Variants in CCDC136 observed in about 807,000 individuals in gnomAD.
CCDC136 encodes the protein coiled-coil domain-containing protein 136.
In CCDC136, 100 loss-of-function variants were observed where a neutral mutation model predicts 141.2. That is an observed-to-expected ratio of 0.71 (90% CI 0.60 to 0.84). The LOEUF (loss-of-function observed/expected upper bound fraction) is 0.84, where lower values mean the gene tolerates loss of function less well. Among genes scored for constraint, CCDC136 ranks in the 40% least tolerant of loss-of-function variants. The pLI is 0.00. For synonymous variants in CCDC136, 474 were observed against 531.9 expected (o/e 0.89, Z 1.50); for missense variants, 1,206 against 1,379.4 (o/e 0.87, Z 1.99).
rs1804918116 is a variant in CCDC136 at position 128,806,808 on chromosome 7, C to A, written c.1369C>A (p.Leu457Met). The change falls in exon 9 of 18, where the codon CTG becomes ATG. Residue 457 changes from leucine (L) to methionine (M), a missense_variant. Leu to Met is a conservative substitution (Grantham distance 15). Transcript: ENST00000297788. Reference protein sequence around the residue: ...QEELQCHEAELQHLRDTVASF... With the variant: ...QEELQCHEAEMQHLRDTVASF... ...GGAGCTGCAGTGCCATGAGGCAGAG[C>A]TGCAGCACCTCAGGGATACGGTGGC... The A allele has an allele frequency of 6.2e-7, 1 of 1,612,862 alleles. No homozygotes were observed.
Position 128,792,357 on chromosome 7 carries a change from C to G in CCDC136, c.-55C>G, listed in dbSNP as rs544752587. On this transcript the variant is annotated 5_prime_UTR_variant, in exon 1 of 18. Transcript: ENST00000297788. ...CCACTCTAGGCTCCTATGAGGCTTC[C>G]GAGGGCTGTGAGAGGAAGAAGGGCC... 2.5e-6 allele frequency: 4 copies of G among 1,607,966 alleles called. No homozygotes were observed. The African/African-American group carries it at 5.4e-5, about 22-fold the overall frequency.
chr7:128,792,442 A>G lies in CCDC136; in HGVS notation c.16+15A>G. 1 of 1,594,040 alleles carries G rather than the reference A, an allele frequency of 6.3e-7. No homozygotes were observed. The highest frequency in any genetic ancestry group is 8.6e-7 in the Non-Finnish European group (1 of 1,168,928). ...AGCTATGGAGGGTGAGTTTTCCCAA[A>G]AGGCTTCTTTCTTTCCCCTCCCCTC... On this transcript the variant is annotated intron_variant, in intron 1 of 17. Transcript: ENST00000297788.
At position 128,812,268 on chromosome 7, in the gene CCDC136, A is replaced by G; in HGVS notation, c.2497A>G (p.Ser833Gly). 6.2e-7 allele frequency: 1 copy of G among 1,613,530 alleles called. No individual in the cohort carries two copies. The highest frequency in any genetic ancestry group is 8.5e-7 in the Non-Finnish European group (1 of 1,179,724). Residue 833 changes from serine (S) to glycine (G), a missense_variant, in exon 13 of 18, where the codon AGC becomes GGC. Coordinates refer to ENST00000297788, the MANE Select transcript of CCDC136 (RefSeq NM_022742.5). Reference sequence around the variant, plus strand: ...TGACACCTGCCAGAAGAGTTTTGTCAGCAGCTGCACTGACGAGGAACCTGC... The same window carrying G: ...TGACACCTGCCAGAAGAGTTTTGTCGGCAGCTGCACTGACGAGGAACCTGC... The part of the protein sequence containing the change: ...SSDTCQKSFV[S>G]SCTDEEPAEP...
chr7:128,801,293 A>T lies in CCDC136; in HGVS notation c.454A>T (p.Ser152Cys). ...ELHLAQAEIQ[S>C]LRQAAEDSAT... ...GCATTTGGCCCAGGCTGAGATCCAGAGTCTGCGGCAAGCAGCAGAGGATTC... is the reference window on the plus strand; with the variant it reads ...GCATTTGGCCCAGGCTGAGATCCAGTGTCTGCGGCAAGCAGCAGAGGATTC... Residue 152 changes from serine to cysteine, a missense_variant, in exon 4 of 18, where the codon AGT becomes TGT. Coordinates refer to ENST00000297788, the MANE Select transcript of CCDC136 (RefSeq NM_022742.5). The T allele has an allele frequency of 6.2e-7, 1 of 1,613,902 alleles. No homozygotes were observed. Among genetic ancestry groups the T allele is most frequent in the Non-Finnish European group, 8.5e-7 (1 of 1,179,828 alleles).
rs1388986481 is a variant in CCDC136 at position 128,805,783 on chromosome 7, T to G, written c.971T>G (p.Leu324Trp). The change falls in exon 7 of 18, where the codon TTG becomes TGG. Residue 324 changes from leucine (L) to tryptophan (W), a missense_variant. Physicochemically the swap from Leu to Trp is moderately conservative, Grantham distance 61. Transcript: ENST00000297788. The surrounding 1 kb of genome is among the most constrained non-coding windows in gnomAD (Gnocchi z 4.6). Reference protein sequence around the residue: ...KNKCQELCCELEELQHHRQVS... With the variant: ...KNKCQELCCEWEELQHHRQVS... ...TAGTGTCAGGAATTGTGTTGTGAGT[T>G]GGAAGAGCTACAGCATCATCGCCAG... 6 of 1,612,834 alleles carry G rather than the reference T, an allele frequency of 3.7e-6. No homozygotes were observed. The highest frequency in any genetic ancestry group is 5.1e-6 in the Non-Finnish European group (6 of 1,179,412).
intron 3 of CCDC136, among the ~76,000 whole-genome samples, chr7:128,795,535 T>G (rs1187717831): frequency 2.0e-5 from 3 of 149,148 alleles, no homozygotes; most frequent in Non-Finnish European, 4.5e-5. Flanking sequence ...CAAGCAGAGG[T>G]GTAAGTGGGG....
intron 10 of CCDC136, chr7:128,809,092 T>G: frequency 2.1e-6 from 1 of 473,038 alleles, no homozygotes; most frequent in Non-Finnish European, 2.8e-6. Flanking sequence ...GAGCTAAGAG[T>G]TCCCAACAGG....
Position 128,817,694 on chromosome 7 carries a change from T to C in CCDC136, c.3364-64T>C, listed in dbSNP as rs532453420. 7.6e-6 allele frequency: 8 copies of C among 1,057,870 alleles called. No individual in the cohort carries two copies. The East Asian group carries it at 9.4e-5, about 12-fold the overall frequency. 65.5% of individuals were successfully genotyped at this position (1,057,870 alleles called of 1,614,324 possible). ...TCATCTTCATTATCTGTTGGATCCATGCGTTTATGTCTCACATCTCCTGGT... is the reference window on the plus strand; with the variant it reads ...TCATCTTCATTATCTGTTGGATCCACGCGTTTATGTCTCACATCTCCTGGT... On this transcript the variant is annotated intron_variant, in intron 16 of 17. Coordinates refer to ENST00000297788, the MANE Select transcript of CCDC136 (RefSeq NM_022742.5). This position sits in a 1 kb window ranked among gnomAD's most constrained non-coding sequence, Gnocchi z 4.6.
At chr7:128,819,937 T>C (rs1807208904) in intron 17 of CCDC136, among the ~76,000 whole-genome samples, 1 of 152,186 alleles carries the variant, frequency 6.6e-6, no homozygotes, top group Admixed American at 6.5e-5. Flanking sequence ...CCTCTGCAGA[T>C]TGTGTATGCT....
rs1253640158 is a variant in CCDC136, at chr7:128,817,610, C to G, written c.3364-148C>G. 9 of 726,424 alleles carry G rather than the reference C, an allele frequency of 1.2e-5. No individual in the cohort carries two copies. Among genetic ancestry groups the G allele is most frequent in the Non-Finnish European group, 2.2e-5 (9 of 402,980 alleles). 45.0% of individuals were successfully genotyped at this position (726,424 alleles called of 1,614,324 possible). ...CCCAGGCAGCAGAAAAGACATGCAA[C>G]TGCTCTAGCTTACCTGTTTTTTAAC... On this transcript the variant is annotated intron_variant, in intron 16 of 17. Coordinates refer to ENST00000297788, the MANE Select transcript of CCDC136 (RefSeq NM_022742.5). The surrounding 1 kb of genome is among the most constrained non-coding windows in gnomAD (Gnocchi z 4.6).
intron 1 of CCDC136, among the ~76,000 whole-genome samples, chr7:128,793,066 C>G (rs140635371): frequency 1.3e-3 from 197 of 152,328 alleles, no homozygotes; most frequent in African/African-American, 4.7e-3. Context: ...ACCTGCTCCC[C>G]CTAAGGGGGA....
At chr7:128,812,625 G>T in intron 13 of CCDC136, 83 bp from the exon 14 acceptor site, 1 of 1,072,306 alleles carries the variant, frequency 9.3e-7, no homozygotes, top group Non-Finnish European at 1.4e-6. Context: ...GCCATTGTTT[G>T]GTATCCAGGG....
chr7:128,804,882 C>A lies in CCDC136; in HGVS notation c.782+121C>A, dbSNP rs148860597. 2.9e-4 allele frequency: 185 copies of A among 633,938 alleles called. No homozygotes were observed. In the African/African-American group the frequency reaches 3.2e-3, roughly 11 times the overall value. The allele number at this position is 633,938 out of a possible 1,614,324, so 39.3% of individuals were successfully genotyped here. A position where few individuals can be genotyped will look rare whatever the true frequency, so the allele number is the denominator to read the frequency against. ...GTTCCTTTGCTCCTGGAGACCCAGT[C>A]CTTTCCATGGTTTCCAAAGGATACA... On this transcript the variant is annotated intron_variant, in intron 5 of 17. Coordinates refer to ENST00000297788, the MANE Select transcript of CCDC136 (RefSeq NM_022742.5).
At chr7:128,812,451 C>CTT in intron 13 of CCDC136, 139 bp downstream of exon 13, 2 of 984,394 alleles carry the variant, frequency 2.0e-6, no homozygotes, top group Non-Finnish European at 2.9e-6. Flanking sequence ...GTAAGCGAAG[C>CTT]CCTCTACCCA....
upstream of CCDC136, chr7:128,791,528 C>A: frequency 7.7e-7 from 1 of 1,290,456 alleles, no homozygotes; most frequent in Non-Finnish European, 9.8e-7. This position sits in a 1 kb window ranked among gnomAD's most constrained non-coding sequence, Gnocchi z 7.1. Context: ...GCGGGAGCCG[C>A]GGGCTGGAGC....
chr7:128,815,498 C>T (rs755968369), intron 15 of CCDC136, 116 bp from the exon 16 acceptor site: 30 of 1,201,950 alleles, frequency 2.5e-5, no homozygotes, highest in Non-Finnish European at 3.3e-5. Flanking sequence ...CCGGGCCACA[C>T]CCTTGCACTC....
At chr7:128,814,104 T>C (rs879414375) in intron 14 of CCDC136, among the ~76,000 whole-genome samples, 7 of 151,988 alleles carry the variant, frequency 4.6e-5, no homozygotes, top group African/African-American at 4.8e-5. Flanking sequence ...TTTTTTTTTT[T>C]GAGACAGAGT....
At chr7:128,800,075 C>T (rs931630177) in intron 3 of CCDC136, among the ~76,000 whole-genome samples, 22 of 152,262 alleles carry the variant, frequency 1.4e-4, no homozygotes, top group African/African-American at 5.3e-4. Flanking sequence ...ATGGTTTGGG[C>T]ATAGATCTTT....
intron 10 of CCDC136, chr7:128,808,503 G>T: frequency 1.0e-6 from 1 of 985,186 alleles, no homozygotes; most frequent in Non-Finnish European, 1.2e-6. Flanking sequence ...CATTTATCCT[G>T]TTGAGCACTT....
Sources: gnomAD v4.1 joint callset for allele counts (sites outside exome capture counted in the v4.1 genomes callset) on GRCh38, gnomAD v4.1.1 for gene constraint, Gnocchi (gnomAD v3.1) non-coding constraint, MANE v1.5 for transcripts, NCBI Gene and HGNC (gene_info 2026-07-23, HGNC 2026-07-21) for gene names.